The following CMTM8 variants were observed in gnomAD, a reference collection of about 807,000 sequenced individuals.
CMTM8 encodes CKLF like MARVEL transmembrane domain containing 8.
Under a neutral mutation model 18.6 loss-of-function variants are expected in CMTM8, and 12 were observed. The observed-to-expected ratio is 0.65, with a 90% CI of 0.41 to 1.05. The LOEUF (loss-of-function observed/expected upper bound fraction) is 1.05. Among genes scored for constraint, CMTM8 ranks in the 50% least tolerant of loss-of-function variants. The pLI is 0.00. For missense variants in CMTM8, 217 were observed against 227.2 expected (o/e 0.95, Z 0.29); for synonymous variants, 87 against 90.6 (o/e 0.96, Z 0.23).
chr3:32,326,360 A>G (rs932740458), intron 1 of CMTM8, among the ~76,000 whole-genome samples: 1 of 151,800 alleles, frequency 6.6e-6, no homozygotes, highest in Admixed American at 6.6e-5. Flanking sequence ...GGTGGCCCCA[A>G]CCACCCTCTC....
At chr3:32,308,216 A>G (rs995186346) in intron 1 of CMTM8, among the ~76,000 whole-genome samples, 1 of 152,164 alleles carries the variant, frequency 6.6e-6, no homozygotes, top group Admixed American at 6.5e-5. Context: ...ATTCAGACTA[A>G]ATGGTCCTGC....
chr3:32,361,286 G>GTTTTTTTTTTTTTTTTTTTT (rs58364646), intron 2 of CMTM8, among the ~76,000 whole-genome samples: 8 of 87,262 alleles, frequency 9.2e-5, no homozygotes, highest in South Asian at 4.6e-4. Context: ...CAGCCTAAGA[G>GTTTTTTTTTTTTTTTTTTTT]TTTTTTTTTC....
At chr3:32,272,309 C>A (rs561241445) in intron 1 of CMTM8, among the ~76,000 whole-genome samples, 1 of 151,904 alleles carries the variant, frequency 6.6e-6, no homozygotes, top group Non-Finnish European at 1.5e-5. Context: ...TTTTATTTAT[C>A]CTTGGGTTTG....
chr3:32,363,156 A>G (rs77624400), intron 2 of CMTM8, among the ~76,000 whole-genome samples: 2,967 of 152,306 alleles, frequency 0.019, 84 homozygotes, highest in African/African-American at 0.067. Context: ...TTTAATCCCT[A>G]TAAGAGAGGT....
chr3:32,239,084 C>G lies in CMTM8; in HGVS notation c.112C>G (p.Arg38Gly), dbSNP rs780499505. The change falls in exon 1 of 4, where the codon CGC (arginine) becomes GGC (glycine). Residue 38 changes from arginine to glycine, a missense_variant. Arg to Gly is a moderately radical substitution (Grantham distance 125, BLOSUM62 -2). Transcript: ENST00000307526. Reference protein sequence around the residue: ...SSFAYDREFLRTLPGFLIVAE... With the variant: ...SSFAYDREFLGTLPGFLIVAE... The stretch of plus-strand genomic sequence containing the variant: ...CTTCGCCTACGACCGGGAGTTCCTC[C>G]GCACCCTGCCCGGCTTCCTCATCGT... The G allele has an allele frequency of 1.4e-5, 23 of 1,601,324 alleles. No homozygotes were observed. Among genetic ancestry groups the G allele is most frequent in the Middle Eastern group, 1.6e-4 (1 of 6,070 alleles).
chr3:32,347,331 G>A (rs996892195), intron 1 of CMTM8, among the ~76,000 whole-genome samples: 7 of 128,304 alleles, frequency 5.5e-5, no homozygotes, highest in African/African-American at 2.0e-4. Flanking sequence ...TCTCTTTATA[G>A]ACACTCTGTT....
At chr3:32,240,064 C>T (rs1471348964) in intron 1 of CMTM8, among the ~76,000 whole-genome samples, 2 of 152,242 alleles carry the variant, frequency 1.3e-5, no homozygotes, top group Non-Finnish European at 2.9e-5. Context: ...TCTGTCATCT[C>T]TCACAGACTT....
At chr3:32,338,048 A>G (rs1696421549) in intron 1 of CMTM8, among the ~76,000 whole-genome samples, 1 of 146,996 alleles carries the variant, frequency 6.8e-6, no homozygotes, top group Admixed American at 7.0e-5. Flanking sequence ...CAGTGGTGCA[A>G]TCTTGGCTCA....
chr3:32,273,126 CAAA>C (rs1702464857), intron 1 of CMTM8, among the ~76,000 whole-genome samples: 1 of 76,316 alleles, frequency 1.3e-5, no homozygotes, highest in Non-Finnish European at 2.8e-5. Flanking sequence ...GAAATTGGAA[CAAA>C]TGTGTGTGTG....
At chr3:32,331,764 G>C (rs1696278252) in intron 1 of CMTM8, among the ~76,000 whole-genome samples, 2 of 152,202 alleles carry the variant, frequency 1.3e-5, no homozygotes, top group African/African-American at 4.8e-5. Flanking sequence ...ATCATGCTAA[G>C]TGAAATAAGC....
At chr3:32,277,725 GTGT>G (rs1702541466) in intron 1 of CMTM8, among the ~76,000 whole-genome samples, 1 of 152,186 alleles carries the variant, frequency 6.6e-6, no homozygotes, top group Admixed American at 6.5e-5. Flanking sequence ...GGCCTATACA[GTGT>G]TGAAAATCAG....
intron 1 of CMTM8, among the ~76,000 whole-genome samples, chr3:32,240,914 A>G (rs1458712003): frequency 6.6e-6 from 1 of 152,052 alleles, no homozygotes; most frequent in Non-Finnish European, 1.5e-5. Context: ...CAGCCTCCCA[A>G]GTAGCTGAGA....
intron 1 of CMTM8, among the ~76,000 whole-genome samples, chr3:32,252,484 A>G (rs893308112): frequency 6.6e-6 from 1 of 152,194 alleles, no homozygotes; most frequent in African/African-American, 2.4e-5. Flanking sequence ...TCTGATGCCA[A>G]ATCTTACCAT....
intron 2 of CMTM8, among the ~76,000 whole-genome samples, chr3:32,361,580 G>A (rs1419259044): frequency 6.6e-6 from 1 of 152,122 alleles, no homozygotes; most frequent in African/African-American, 2.4e-5. Context: ...AGTCCCCTGG[G>A]AACTTGTCTG....
rs552123788 is a variant in CMTM8 at position 32,302,186 on chromosome 3, TGG to T, written c.148-55186_148-55185del. Among the ~76,000 whole-genome samples, 675 of 151,950 alleles carry T rather than the reference TGG, an allele frequency of 4.4e-3. 2 individuals are homozygous for T. Among genetic ancestry groups the T allele is most frequent in the Non-Finnish European group, 7.1e-3 (483 of 67,956 alleles). On this transcript the variant is annotated intron_variant, in intron 1 of 3. Coordinates refer to ENST00000307526, the MANE Select transcript of CMTM8 (RefSeq NM_178868.5). Reference sequence around the variant, plus strand: ...AAATGTGGCACGTGTCATAACTACTTGGAGGTGGGGGCTAAGGTGGGAGGACT... The same window carrying T: ...AAATGTGGCACGTGTCATAACTACTTAGGTGGGGGCTAAGGTGGGAGGACT...
At chr3:32,281,742 C>T (rs1313043853) in intron 1 of CMTM8, among the ~76,000 whole-genome samples, 5 of 152,286 alleles carry the variant, frequency 3.3e-5, no homozygotes, top group East Asian at 1.9e-4. Context: ...GCACCAGTGA[C>T]GTCTGTTTTG....
At chr3:32,361,232 C>A (rs932545288) in intron 2 of CMTM8, among the ~76,000 whole-genome samples, 1 of 144,610 alleles carries the variant, frequency 6.9e-6, no homozygotes, top group African/African-American at 2.5e-5. Context: ...CCACCCGCCT[C>A]GGTCTCCCAA....
intron 1 of CMTM8, among the ~76,000 whole-genome samples, chr3:32,281,241 AATATT>A (rs1482289981): frequency 1.3e-5 from 2 of 152,178 alleles, no homozygotes; most frequent in Non-Finnish European, 2.9e-5. Context: ...TGTACCTGAA[AATATT>A]TCTCTTACCC....
At chr3:32,262,589 C>T (rs147898047) in intron 1 of CMTM8, among the ~76,000 whole-genome samples, 1 of 152,346 alleles carries the variant, frequency 6.6e-6, no homozygotes, top group East Asian at 1.9e-4. Flanking sequence ...TTAAGACACA[C>T]ATTTGATTTC....
Sources: gnomAD v4.1 joint callset for allele counts (sites outside exome capture counted in the v4.1 genomes callset) on GRCh38, gnomAD v4.1.1 for gene constraint, MANE v1.5 for transcripts, NCBI Gene and HGNC (gene_info 2026-07-23, HGNC 2026-07-21) for gene names.